Variants in TRPC4AP observed in about 807,000 individuals in gnomAD.
TRPC4AP encodes short transient receptor potential channel 4-associated protein.
A neutral mutation model predicts 99.0 loss-of-function variants in TRPC4AP; 45 were observed. The observed-to-expected ratio is 0.45, with a 90% CI of 0.36 to 0.58. The LOEUF is 0.58. Among genes scored for constraint, TRPC4AP ranks in the 20% least tolerant of loss-of-function variants. TRPC4AP has a pLI of 0.00. For missense variants in TRPC4AP, 879 were observed against 985.3 expected (o/e 0.89, Z 1.44); for synonymous variants, 408 against 385.8 (o/e 1.06, Z -0.67).
At chr20:35,065,735 C>G (rs956290088) in intron 3 of TRPC4AP, among the ~76,000 whole-genome samples, 3 of 152,156 alleles carry the variant, frequency 2.0e-5, no homozygotes, top group Non-Finnish European at 4.4e-5. Context: ...AAATCAAGAA[C>G]AGTTGATCCA....
chr20:35,060,833 A>C (rs1400718581), intron 3 of TRPC4AP, among the ~76,000 whole-genome samples: 2 of 152,130 alleles, frequency 1.3e-5, no homozygotes, highest in African/African-American at 4.8e-5. Flanking sequence ...ATAGAAGAGA[A>C]CTTCTTCAGC....
At position 35,078,049 on chromosome 20, in the gene TRPC4AP, G is replaced by C. The variant is rs1253953083; in HGVS notation, c.294C>G (p.Leu98=). 1.9e-6 allele frequency: 3 copies of C among 1,612,576 alleles called. No homozygotes were observed. Among genetic ancestry groups the C allele is most frequent in the Non-Finnish European group, 2.5e-6 (3 of 1,178,906 alleles). The change falls in exon 2 of 19, where the codon CTC becomes CTG. Residue 98 remains leucine (L), a synonymous_variant. Coordinates refer to ENST00000252015, the MANE Select transcript of TRPC4AP (RefSeq NM_015638.3). The stretch of plus-strand genomic sequence containing the variant: ...CTCCAAGGTCCTTAAGAGTTACCTT[G>C]AGGATGTTTTGACACTCAACAAAGT... ...HSDFVECQNI[L]KEISPLLSME...
intron 3 of TRPC4AP, among the ~76,000 whole-genome samples, chr20:35,061,552 T>C (rs1209366452): frequency 6.6e-6 from 1 of 152,174 alleles, no homozygotes; most frequent in South Asian, 2.1e-4. Flanking sequence ...AATACAAAAA[T>C]AAACCCGTGT....
intron 6 of TRPC4AP, among the ~76,000 whole-genome samples, chr20:35,048,408 T>A (rs1170467050): frequency 6.6e-5 from 10 of 152,056 alleles, no homozygotes; most frequent in Non-Finnish European, 1.3e-4. Context: ...AAAATGAGAC[T>A]GGGTTTTGCC....
chr20:35,053,326 C>G (rs940737729), intron 5 of TRPC4AP, among the ~76,000 whole-genome samples: 1 of 152,036 alleles, frequency 6.6e-6, no homozygotes, highest in Non-Finnish European at 1.5e-5. Context: ...CATTAATCAA[C>G]TTCTCTTCAT....
chr20:35,056,028 G>T (rs766060860), intron 4 of TRPC4AP, among the ~76,000 whole-genome samples: 1 of 152,152 alleles, frequency 6.6e-6, no homozygotes, highest in Non-Finnish European at 1.5e-5. Context: ...AAGCTGCTAG[G>T]AATGCTAAAA....
chr20:35,076,472 T>C (rs564435858), intron 2 of TRPC4AP, among the ~76,000 whole-genome samples: 1 of 152,352 alleles, frequency 6.6e-6, no homozygotes, highest in East Asian at 1.9e-4. Flanking sequence ...TTGTTAGTTT[T>C]CCTTCTAACA....
At chr20:35,044,408 A>G in intron 7 of TRPC4AP, 97 bp downstream of exon 7, 1 of 1,282,246 alleles carries the variant, frequency 7.8e-7, no homozygotes, top group South Asian at 1.4e-5. Flanking sequence ...AGGAAAAAAA[A>G]AAAAAAAGAA....
rs759033119 is a variant in TRPC4AP, at chr20:35,005,772, G to A, written c.1859C>T (p.Ser620Phe). Residue 620 changes from serine (S) to phenylalanine (F), a missense_variant, in exon 16 of 19, where the codon TCC (serine) becomes TTC (phenylalanine). Ser to Phe is a radical substitution (Grantham distance 155). This residue lies in a region of TRPC4AP where 224 missense variants were observed against 264.7 expected (regional missense o/e 0.85). Transcript: ENST00000252015. ...CACCAGCATGTTGGAGTCCACCAGG[G>A]AGCTGTTGATCTGCTTCAGGAATAC... ...FQVFLKQINS[S>F]LVDSNMLVRC... The A allele has an allele frequency of 6.2e-7, 1 of 1,614,146 alleles. No individual in the cohort carries two copies.
chr20:35,054,189 GT>G (rs11430339), intron 5 of TRPC4AP, among the ~76,000 whole-genome samples: 6 of 146,838 alleles, frequency 4.1e-5, no homozygotes, highest in East Asian at 2.0e-4. Flanking sequence ...GGAGCTAAAT[GT>G]TTTTTTTTTT....
intron 1 of TRPC4AP, among the ~76,000 whole-genome samples, chr20:35,081,764 A>T (rs548562930): frequency 5.9e-5 from 9 of 152,124 alleles, no homozygotes; most frequent in Non-Finnish European, 2.9e-5. Flanking sequence ...AGACAGGTAG[A>T]TCACTTAGGT....
At chr20:35,024,881 C>A in intron 8 of TRPC4AP, among the ~76,000 whole-genome samples, 1 of 134,750 alleles carries the variant, frequency 7.4e-6, no homozygotes, top group Non-Finnish European at 1.6e-5. Flanking sequence ...AATCAGGTGA[C>A]AGTCATTTGC....
chr20:35,083,915 A>C (rs2084724567), intron 1 of TRPC4AP, among the ~76,000 whole-genome samples: 1 of 152,016 alleles, frequency 6.6e-6, no homozygotes. Context: ...TAAACTGCTA[A>C]ACTGCTAAAC....
intron 2 of TRPC4AP, among the ~76,000 whole-genome samples, chr20:35,071,287 T>C (rs1258932767): frequency 6.6e-6 from 1 of 152,202 alleles, no homozygotes; most frequent in East Asian, 1.9e-4. Context: ...TTTGCTGTTT[T>C]TTATTTTATT....
chr20:35,089,448 C>G (rs887854263), intron 1 of TRPC4AP, among the ~76,000 whole-genome samples: 4 of 148,442 alleles, frequency 2.7e-5, no homozygotes, highest in African/African-American at 1.0e-4. Flanking sequence ...ACTGCCCAGG[C>G]TTGACTCAAA....
chr20:35,021,423 C>A, intron 8 of TRPC4AP, 67 bp from the exon 9 acceptor site: 1 of 1,565,738 alleles, frequency 6.4e-7, no homozygotes, highest in Admixed American at 1.7e-5. Flanking sequence ...GCCCCTCGAA[C>A]CTGCTCTGAA....
At chr20:35,027,447 T>G (rs1262976239) in intron 8 of TRPC4AP, among the ~76,000 whole-genome samples, 3 of 152,236 alleles carry the variant, frequency 2.0e-5, no homozygotes, top group African/African-American at 7.2e-5. Flanking sequence ...TAGTATTTTG[T>G]TGAAGATTTT....
intron 3 of TRPC4AP, among the ~76,000 whole-genome samples, chr20:35,060,644 A>G (rs1470384866): frequency 2.0e-5 from 3 of 151,766 alleles, no homozygotes; most frequent in Non-Finnish European, 4.4e-5. Flanking sequence ...ACACTATGAC[A>G]AAGTGGAATT....
intron 2 of TRPC4AP, among the ~76,000 whole-genome samples, chr20:35,072,279 A>G (rs1291840581): frequency 6.6e-6 from 1 of 152,116 alleles, no homozygotes; most frequent in South Asian, 2.1e-4. Context: ...GAAGCTCTTT[A>G]GTTTAATTAG....
Sources: gnomAD v4.1 joint callset for allele counts (sites outside exome capture counted in the v4.1 genomes callset) on GRCh38, gnomAD v4.1.1 for gene constraint, gnomAD v4.1.1 regional missense constraint, MANE v1.5 for transcripts, NCBI Gene and HGNC (gene_info 2026-07-23, HGNC 2026-07-21) for gene names.